AK5: variants seen among roughly 807,000 people sequenced by gnomAD.
AK5 encodes adenylate kinase isoenzyme 5.
AK5 carries 27 observed loss-of-function variants against 69.5 expected under a neutral mutation model. The ratio of observed to expected loss-of-function variants is 0.39; its 90% CI spans 0.29 to 0.54. AK5 has a LOEUF of 0.54. AK5 is among the 20% of genes least tolerant of loss of function. AK5 has a pLI of 0.71. For synonymous variants in AK5, 260 were observed against 244.4 expected, an observed-to-expected ratio of 1.06 and a Z score of -0.60; for missense variants, 531 against 700.4, an observed-to-expected ratio of 0.76 and a Z score of 2.73.
rs1557532941 is a variant in AK5 at position 77,367,608 on chromosome 1, G to GTTATATATA, written c.891+27041_891+27042insTATATATAT. ...TATATGTTATATATGTAATATATAT[G>GTTATATATA]TAATATATATGTTATATATGTAATA... On this transcript the variant is annotated intron_variant, in intron 6 of 13. Transcript: ENST00000354567. Among the ~76,000 whole-genome samples the GTTATATATA allele has an allele frequency of 1.0e-4, 7 of 70,246 alleles. No homozygotes were observed. In the East Asian group the frequency reaches 1.1e-3, roughly 11 times the overall value. The allele number at this position is 70,246 out of a possible 152,430, so 46.1% of individuals were successfully genotyped here. A position where few individuals can be genotyped will look rare whatever the true frequency, so the allele number is the denominator to read the frequency against.
intron 6 of AK5, among the ~76,000 whole-genome samples, chr1:77,394,112 G>GGCTGGA (rs1463501512): frequency 2.6e-5 from 4 of 151,954 alleles, no homozygotes; most frequent in African/African-American, 4.8e-5. Context: ...CTACTCGGGA[G>GGCTGGA]GCTGAGGCAG....
intron 10 of AK5, among the ~76,000 whole-genome samples, chr1:77,515,586 C>T (rs140818217): frequency 2.2e-3 from 342 of 152,272 alleles, no homozygotes; most frequent in Non-Finnish European, 3.9e-3. Flanking sequence ...CTTGCAGGGC[C>T]GGCGACCAGT....
intron 10 of AK5, among the ~76,000 whole-genome samples, chr1:77,490,718 A>G (rs1468412524): frequency 1.3e-5 from 2 of 151,828 alleles, no homozygotes; most frequent in East Asian, 3.9e-4. Flanking sequence ...GGGCCTCATT[A>G]TGTCCCACTA....
chr1:77,309,256 GA>G (rs924597535), intron 5 of AK5, among the ~76,000 whole-genome samples: 3 of 151,458 alleles, frequency 2.0e-5, no homozygotes, highest in African/African-American at 7.3e-5. Context: ...AATAAAAATT[GA>G]AAAAAAGAAA....
intron 13 of AK5, among the ~76,000 whole-genome samples, chr1:77,549,910 A>G (rs566790397): frequency 8.6e-4 from 130 of 151,854 alleles, no homozygotes; most frequent in African/African-American, 3.0e-3. Flanking sequence ...CTGCAGCCTC[A>G]ACCTCCTAGG....
intron 5 of AK5, among the ~76,000 whole-genome samples, chr1:77,310,670 C>T (rs1295463781): frequency 1.3e-5 from 2 of 152,102 alleles, no homozygotes; most frequent in Admixed American, 6.5e-5. Flanking sequence ...CATGAGCCAC[C>T]GCACCCGGCC....
intron 5 of AK5, among the ~76,000 whole-genome samples, chr1:77,318,739 G>A (rs1660372694): frequency 6.6e-6 from 1 of 150,908 alleles, no homozygotes; most frequent in Non-Finnish European, 1.5e-5. Flanking sequence ...TGCTTGTCCA[G>A]TCTCCCCTTC....
At chr1:77,285,387 T>G (rs1570309616) in intron 1 of AK5, among the ~76,000 whole-genome samples, 1 of 152,146 alleles carries the variant, frequency 6.6e-6, no homozygotes, top group Non-Finnish European at 1.5e-5. Flanking sequence ...CTGATGGAGG[T>G]GCACACTCTA....
At chr1:77,427,998 G>T (rs1651328251) in intron 8 of AK5, among the ~76,000 whole-genome samples, 2 of 152,186 alleles carry the variant, frequency 1.3e-5, no homozygotes, top group Non-Finnish European at 2.9e-5. Flanking sequence ...TGAAGGATCT[G>T]CCTCCATGAC....
At chr1:77,378,105 C>T (rs998479155) in intron 6 of AK5, among the ~76,000 whole-genome samples, 1 of 152,164 alleles carries the variant, frequency 6.6e-6, no homozygotes, top group African/African-American at 2.4e-5. Flanking sequence ...TAAGTTCTCT[C>T]AGTTTTCCAG....
intron 6 of AK5, among the ~76,000 whole-genome samples, chr1:77,404,671 T>C (rs1444029460): frequency 6.6e-6 from 1 of 152,110 alleles, no homozygotes; most frequent in Non-Finnish European, 1.5e-5. Flanking sequence ...GAAAATGAAA[T>C]CTGACTTAAT....
At chr1:77,340,760 T>C (rs1274884618) in intron 6 of AK5, 192 bp downstream of exon 6, 1 of 445,104 alleles carries the variant, frequency 2.2e-6, no homozygotes, top group African/African-American at 2.0e-5. Flanking sequence ...AAAAAAACTT[T>C]CTTTTTAATT....
chr1:77,519,289 T>TA (rs1657849032), intron 11 of AK5, among the ~76,000 whole-genome samples: 1 of 152,208 alleles, frequency 6.6e-6, no homozygotes, highest in South Asian at 2.1e-4. Context: ...GGCCGTATGA[T>TA]ACAGTCTCTG....
At position 77,340,382 on chromosome 1, in the gene AK5, T is replaced by C; in HGVS notation, c.705T>C (p.Cys235=). ...AQALSFEDQI[C]TPDLVVFLAC... ...TTTGTTGATGCTCTCCACAGATCTG[T>C]ACCCCCGATTTGGTGGTATTCCTGG... Residue 235 remains cysteine, a synonymous_variant, in exon 6 of 14, where the codon TGT becomes TGC. Coordinates refer to ENST00000354567, the MANE Select transcript of AK5 (RefSeq NM_174858.3). The C allele has an allele frequency of 6.2e-7, 1 of 1,613,634 alleles. No individual in the cohort carries two copies. Among genetic ancestry groups the C allele is most frequent in the Non-Finnish European group, 8.5e-7 (1 of 1,179,652 alleles).
At chr1:77,504,470 A>G (rs944515328) in intron 10 of AK5, among the ~76,000 whole-genome samples, 3 of 151,990 alleles carry the variant, frequency 2.0e-5, no homozygotes, top group African/African-American at 7.2e-5. Context: ...TTTCATCAGA[A>G]TGAGATCATA....
At chr1:77,518,490 T>C in intron 10 of AK5, 74 bp from the exon 11 acceptor site, 1 of 1,502,104 alleles carries the variant, frequency 6.7e-7, no homozygotes, top group Non-Finnish European at 9.1e-7. Flanking sequence ...TGAGGCTTGC[T>C]CACCATGGTG....
intron 5 of AK5, among the ~76,000 whole-genome samples, chr1:77,304,491 T>C (rs1659526333): frequency 6.6e-6 from 1 of 151,816 alleles, no homozygotes; most frequent in African/African-American, 2.4e-5. Flanking sequence ...CCGCAGCGTC[T>C]GTCTCCTGGG....
At chr1:77,327,894 G>A (rs1050059069) in intron 5 of AK5, among the ~76,000 whole-genome samples, 1 of 152,066 alleles carries the variant, frequency 6.6e-6, no homozygotes, top group African/African-American at 2.4e-5. Context: ...TCCCCATCCA[G>A]TCTGCTGCCT....
At chr1:77,513,237 G>C (rs1657449983) in intron 10 of AK5, among the ~76,000 whole-genome samples, 1 of 152,132 alleles carries the variant, frequency 6.6e-6, no homozygotes, top group Non-Finnish European at 1.5e-5. Flanking sequence ...TGCTGGCAAA[G>C]GTGATTAATT....
Sources: allele counts gnomAD v4.1 joint callset (sites outside exome capture counted in the v4.1 genomes callset), GRCh38; gene constraint gnomAD v4.1.1; transcripts MANE v1.5; gene names NCBI Gene and HGNC (gene_info 2026-07-23, HGNC 2026-07-21).